The following DMRT1 variants were observed in gnomAD, a reference collection of about 807,000 sequenced individuals.
DMRT1 encodes the protein doublesex- and mab-3-related transcription factor 1.
In DMRT1, 7 loss-of-function variants were observed where a neutral mutation model predicts 32.3. That is an observed-to-expected ratio of 0.22 (90% CI 0.12 to 0.41). The LOEUF is 0.41. DMRT1 is among the 10% of genes least tolerant of loss of function. The probability of loss-of-function intolerance (pLI) is 1.00; values close to 1 mark genes in which losing one functional copy is unlikely to be tolerated. For synonymous variants in DMRT1, 278 were observed against 206.1 expected, an observed-to-expected ratio of 1.35 and a Z score of -2.99; for missense variants, 625 against 500.5, an observed-to-expected ratio of 1.25 and a Z score of -2.37.
intron 2 of DMRT1, among the ~76,000 whole-genome samples, chr9:867,480 A>C (rs1470977200): frequency 6.6e-6 from 1 of 152,234 alleles, no homozygotes. Context: ...GCTCTCATTT[A>C]CCGAGTGTCT....
intron 2 of DMRT1, among the ~76,000 whole-genome samples, chr9:882,918 C>T (rs1423697561): frequency 1.3e-5 from 2 of 151,774 alleles, no homozygotes; most frequent in Admixed American, 1.3e-4. Context: ...ATTACAGGTG[C>T]CTGCCACCAT....
Position 842,229 on chromosome 9 carries a change from A to ATTTTTTTTTTTTT in DMRT1, c.354+37_354+38insTTTTTTTTTTTTT. 3.5e-6 allele frequency: 3 copies of ATTTTTTTTTTTTT among 856,432 alleles called. No individual in the cohort carries two copies. In the African/African-American group the frequency reaches 9.5e-5, roughly 27 times the overall value. 53.1% of individuals were successfully genotyped at this position (856,432 alleles called of 1,614,324 possible). A position where few individuals can be genotyped will look rare whatever the true frequency, so the allele number is the denominator to read the frequency against. On this transcript the variant is annotated intron_variant, in intron 1 of 4. Transcript: ENST00000382276. ...CGTGCGGGAGCCCGGGTTCAGCCTT[A>ATTTTTTTTTTTTT]GTTTTTTTTTTTTTTTTTTTTTTTA...
intron 4 of DMRT1, among the ~76,000 whole-genome samples, chr9:917,439 G>A (rs1818219469): frequency 2.0e-5 from 3 of 152,156 alleles, no homozygotes; most frequent in Admixed American, 1.3e-4. Flanking sequence ...ATGAATCAAA[G>A]CACTTTGAAA....
At chr9:864,051 C>G (rs111676701) in intron 2 of DMRT1, among the ~76,000 whole-genome samples, 18 of 152,062 alleles carry the variant, frequency 1.2e-4, no homozygotes, top group Admixed American at 2.6e-4. Flanking sequence ...ACTGAGTCCT[C>G]GTCACTGCAC....
chr9:954,895 C>T (rs1040611468), intron 4 of DMRT1, among the ~76,000 whole-genome samples: 4 of 152,188 alleles, frequency 2.6e-5, no homozygotes, highest in African/African-American at 9.7e-5. Flanking sequence ...CTGCCTCGGC[C>T]TCCCAAAGTG....
intron 2 of DMRT1, among the ~76,000 whole-genome samples, chr9:878,364 C>G (rs1258649586): frequency 6.6e-6 from 1 of 152,140 alleles, no homozygotes; most frequent in East Asian, 1.9e-4. Flanking sequence ...TTGCATTTGC[C>G]TCACTAAGTA....
intron 4 of DMRT1, among the ~76,000 whole-genome samples, chr9:922,789 G>A (rs181039695): frequency 6.6e-5 from 10 of 152,268 alleles, no homozygotes; most frequent in Admixed American, 3.3e-4. Flanking sequence ...AACATTTAAG[G>A]TGGTGCTTAC....
intron 4 of DMRT1, among the ~76,000 whole-genome samples, chr9:942,988 C>T (rs1486943121): frequency 6.6e-6 from 1 of 151,746 alleles, no homozygotes; most frequent in African/African-American, 2.4e-5. Flanking sequence ...GCACACCCCT[C>T]CCCCCAACCC....
At chr9:925,778 A>G (rs1818503266) in intron 4 of DMRT1, among the ~76,000 whole-genome samples, 2 of 152,120 alleles carry the variant, frequency 1.3e-5, no homozygotes, top group African/African-American at 4.8e-5. Flanking sequence ...TCCCCATTTG[A>G]CAGATGAGGA....
At position 842,126 on chromosome 9, in the gene DMRT1, G is replaced by A; in HGVS notation, c.288G>A (p.Met96Ile). ...SPLKGHKRFC[M>I]WRDCQCKKCN... ...TCAAGGGCCACAAGCGCTTCTGCAT[G>A]TGGCGCGACTGCCAGTGCAAGAAGT... is the stretch of plus-strand genomic sequence containing the variant. Residue 96 changes from methionine to isoleucine, a missense_variant, in exon 1 of 5, where the codon ATG (methionine) becomes ATA (isoleucine). Coordinates refer to ENST00000382276, the MANE Select transcript of DMRT1 (RefSeq NM_021951.3). 1.9e-6 allele frequency: 3 copies of A among 1,548,460 alleles called. No individual in the cohort carries two copies. Among genetic ancestry groups the A allele is most frequent in the Non-Finnish European group, 2.6e-6 (3 of 1,151,308 alleles).
intron 4 of DMRT1, among the ~76,000 whole-genome samples, chr9:932,346 G>C (rs1818752732): frequency 6.6e-6 from 1 of 152,178 alleles, no homozygotes; most frequent in African/African-American, 2.4e-5. Context: ...CACACGCAGG[G>C]ACATGAATGA....
chr9:881,840 T>C (rs1384234140), intron 2 of DMRT1, among the ~76,000 whole-genome samples: 12 of 152,270 alleles, frequency 7.9e-5, no homozygotes, highest in Admixed American at 7.9e-4. Context: ...CCCATTGGCC[T>C]GTTTGTGGCA....
At chr9:954,023 A>C (rs887188140) in intron 4 of DMRT1, among the ~76,000 whole-genome samples, 2 of 152,044 alleles carry the variant, frequency 1.3e-5, no homozygotes, top group African/African-American at 4.8e-5. Context: ...TTGGCATTTG[A>C]GTTGAGTGTT....
chr9:885,850 A>G (rs1038485647), intron 2 of DMRT1, among the ~76,000 whole-genome samples: 4 of 152,196 alleles, frequency 2.6e-5, no homozygotes, highest in African/African-American at 7.2e-5. Flanking sequence ...TAATTCTGTA[A>G]TGGACTGTAA....
intron 2 of DMRT1, among the ~76,000 whole-genome samples, chr9:869,248 A>G (rs930359676): frequency 9.2e-5 from 14 of 152,114 alleles, no homozygotes; most frequent in African/African-American, 3.1e-4. Flanking sequence ...CCCTTTCCCT[A>G]TGGTGACATG....
chr9:934,880 G>A (rs1419948218), intron 4 of DMRT1, among the ~76,000 whole-genome samples: 2 of 152,108 alleles, frequency 1.3e-5, no homozygotes, highest in African/African-American at 4.8e-5. Context: ...TGAATCCTAA[G>A]CACAAGCCTA....
At chr9:903,620 G>A (rs986854791) in intron 3 of DMRT1, among the ~76,000 whole-genome samples, 11 of 152,172 alleles carry the variant, frequency 7.2e-5, no homozygotes, top group African/African-American at 1.7e-4. Flanking sequence ...AAGTTTAGCC[G>A]CTGAGCCCAG....
intron 2 of DMRT1, among the ~76,000 whole-genome samples, chr9:881,323 CT>C (rs1816728440): frequency 6.6e-6 from 1 of 152,158 alleles, no homozygotes; most frequent in Non-Finnish European, 1.5e-5. Context: ...TGAACGGAAG[CT>C]ATGTGAAACA....
chr9:907,829 A>ATGTGTGTG (rs3084903), intron 3 of DMRT1, among the ~76,000 whole-genome samples: 7,175 of 149,462 alleles, frequency 0.048, 463 homozygotes, highest in African/African-American at 0.15. Flanking sequence ...TAAAATATAT[A>ATGTGTGTG]TGTGTGTGTG....
Sources: allele counts gnomAD v4.1 joint callset (sites outside exome capture counted in the v4.1 genomes callset), GRCh38; gene constraint gnomAD v4.1.1; transcripts MANE v1.5; gene names NCBI Gene and HGNC (gene_info 2026-07-23, HGNC 2026-07-21).